Variants in NUP188 observed in about 807,000 individuals in gnomAD.
NUP188 encodes nucleoporin NUP188.
Under a neutral mutation model 223.0 loss-of-function variants are expected in NUP188, and 97 were observed. That is an observed-to-expected ratio of 0.43 (90% CI 0.37 to 0.51). The LOEUF is 0.51. NUP188 is among the 20% of genes least tolerant of loss of function. NUP188 has a pLI of 0.00. For synonymous variants in NUP188, 869 were observed against 828.0 expected, an observed-to-expected ratio of 1.05 and a Z score of -0.85; for missense variants, 1,947 against 2,175.6, an observed-to-expected ratio of 0.89 and a Z score of 2.09.
chr9:128,999,006 G>A (rs572538618), intron 32 of NUP188, among the ~76,000 whole-genome samples, 166 bp from the exon 33 acceptor site: 23 of 152,046 alleles, frequency 1.5e-4, no homozygotes, highest in African/African-American at 3.6e-4. Flanking sequence ...ACGGGTGCGC[G>A]CTACCATGCC....
At chr9:128,964,536 ATTTTT>A (rs61518157) in intron 8 of NUP188, among the ~76,000 whole-genome samples, 1 of 122,872 alleles carries the variant, frequency 8.1e-6, no homozygotes, top group Non-Finnish European at 1.7e-5. Flanking sequence ...TAATTTTTGT[ATTTTT>A]TTTTTTTTTT....
intron 2 of NUP188, among the ~76,000 whole-genome samples, chr9:128,951,749 A>G (rs1588266801): frequency 6.6e-6 from 1 of 151,640 alleles, no homozygotes; most frequent in Non-Finnish European, 1.5e-5. Flanking sequence ...TATTAAAAAC[A>G]CTCAAAGGAA....
intron 29 of NUP188, 30 bp downstream of exon 29, chr9:128,994,953 C>A: frequency 6.5e-7 from 1 of 1,545,258 alleles, no homozygotes; most frequent in Non-Finnish European, 8.9e-7. Flanking sequence ...GAGATTTTAA[C>A]TGAAGGTTGG....
intron 12 of NUP188, among the ~76,000 whole-genome samples, chr9:128,975,226 C>CTTTTTTTTTTTTTT (rs540828761): frequency 7.6e-5 from 10 of 131,872 alleles, no homozygotes; most frequent in African/African-American, 2.4e-4. Context: ...TTTTCTTTTC[C>CTTTTTTTTTTTTTT]TTTTTTTTTT....
At chr9:128,982,782 A>G in intron 16 of NUP188, 81 bp downstream of exon 16, 2 of 1,588,414 alleles carry the variant, frequency 1.3e-6, no homozygotes, top group Non-Finnish European at 1.7e-6. Context: ...GAATATCTAC[A>G]TAAAATTTAG....
chr9:128,999,165 T>C lies in NUP188; in HGVS notation c.3516-7T>C. 9.9e-6 allele frequency: 16 copies of C among 1,613,718 alleles called. No homozygotes were observed. The highest frequency in any genetic ancestry group is 1.3e-5 in the African/African-American group (1 of 75,030). On this transcript the variant is annotated splice_region_variant and splice_polypyrimidine_tract_variant and intron_variant, in intron 32 of 43. Transcript: ENST00000372577. ...ACCACGCCTGGCCCACCCAGTATTCTTTCTAGAGAGTTAGGTTCTGTGGAT... is the reference window on the plus strand; with the variant it reads ...ACCACGCCTGGCCCACCCAGTATTCCTTCTAGAGAGTTAGGTTCTGTGGAT...
At chr9:128,951,039 T>C (rs560147366) in intron 2 of NUP188, among the ~76,000 whole-genome samples, 2 of 151,292 alleles carry the variant, frequency 1.3e-5, no homozygotes. Flanking sequence ...TGGCCAGGCA[T>C]GGTGGCTCAC....
chr9:129,003,200 C>A (rs965393420), intron 37 of NUP188, 117 bp from the exon 38 acceptor site: 3 of 1,325,598 alleles, frequency 2.3e-6, no homozygotes, highest in Middle Eastern at 2.7e-4. Context: ...TAAGCCATTT[C>A]TTTGCCAACT....
At position 128,982,996 on chromosome 9, in the gene NUP188, C is replaced by A; in HGVS notation, c.1764C>A (p.Pro588=). The A allele has an allele frequency of 6.2e-7, 1 of 1,614,132 alleles. No homozygotes were observed. Among genetic ancestry groups the A allele is most frequent in the Non-Finnish European group, 8.5e-7 (1 of 1,180,018 alleles). The change falls in exon 17 of 44, where the codon CCC becomes CCA. Residue 588 remains proline, a synonymous_variant. Coordinates refer to ENST00000372577, the MANE Select transcript of NUP188 (RefSeq NM_015354.3). ...TGTCGATAGCAGACTGTCTCCTGCC[C>A]ATCACATCTCGCATCTACATGCTGC... ...TDLSIADCLL[P]ITSRIYMLLQ...
chr9:128,998,435 T>TGA, intron 31 of NUP188, 103 bp from the exon 32 acceptor site: 1 of 1,122,774 alleles, frequency 8.9e-7, no homozygotes, highest in Non-Finnish European at 1.4e-6. Context: ...TCCACTCCTG[T>TGA]GAGCTCACTG....
At chr9:128,962,673 A>T (rs1841972601) in intron 8 of NUP188, among the ~76,000 whole-genome samples, 1 of 152,050 alleles carries the variant, frequency 6.6e-6, no homozygotes, top group Admixed American at 6.6e-5. Flanking sequence ...AAAAATTCAT[A>T]TGCAAAATAA....
At chr9:129,000,765 A>G (rs919555265) in intron 34 of NUP188, among the ~76,000 whole-genome samples, 17 of 151,564 alleles carry the variant, frequency 1.1e-4, no homozygotes, top group African/African-American at 3.4e-4. Context: ...TGGGCCGGGC[A>G]CGGTGGCTAA....
intron 8 of NUP188, among the ~76,000 whole-genome samples, chr9:128,961,001 C>T (rs924516951): frequency 6.6e-6 from 1 of 150,380 alleles, no homozygotes; most frequent in African/African-American, 2.4e-5. Flanking sequence ...GGGAGATTCA[C>T]TTGAGCCTAG....
rs749967148 is a variant in NUP188, at chr9:128,980,677, C to T, written c.1341C>T (p.Leu447=). 3 of 1,614,132 alleles carry T rather than the reference C, an allele frequency of 1.9e-6. No homozygotes were observed. Among genetic ancestry groups the T allele is most frequent in the South Asian group, 2.2e-5 (2 of 91,074 alleles). Residue 447 remains leucine (L), a synonymous_variant, in exon 14 of 44, where the codon CTC becomes CTT. Coordinates refer to ENST00000372577, the MANE Select transcript of NUP188 (RefSeq NM_015354.3). ...CGMFPHLLSP[L]LQLLRALVSG... ...TGTTTCCCCACCTTCTCTCCCCACT[C>T]CTGCAACTGCTCCGAGCCCTGGTAT... is the stretch of plus-strand genomic sequence containing the variant.
chr9:128,964,550 T>A (rs2131149396), intron 8 of NUP188, among the ~76,000 whole-genome samples: 1 of 151,174 alleles, frequency 6.6e-6, no homozygotes, highest in East Asian at 1.9e-4. Flanking sequence ...TTTTTTTTTT[T>A]TTTGTAGAGA....
chr9:128,975,734 C>G (rs1842167176), intron 12 of NUP188, among the ~76,000 whole-genome samples: 1 of 146,628 alleles, frequency 6.8e-6, no homozygotes, highest in African/African-American at 2.5e-5. Context: ...GCCAGGCTGG[C>G]CTCAAACTCC....
At position 128,956,426 on chromosome 9, in the gene NUP188, A is replaced by C; in HGVS notation, c.238A>C (p.Lys80Gln). The change falls in exon 4 of 44, where the codon AAG becomes CAG. Residue 80 changes from lysine to glutamine, a missense_variant. Coordinates refer to ENST00000372577, the MANE Select transcript of NUP188 (RefSeq NM_015354.3). ...PLKELGLRIS[K>Q]FLGLDEEQSV... is the part of the protein sequence containing the mutation. ...GAAGGAACTGGGTTTAAGAATCAGC[A>C]AGTTTTTGGTGAGTAAAAATTAGCA... 6.4e-7 allele frequency: 1 copy of C among 1,569,786 alleles called. No homozygotes were observed. Among genetic ancestry groups the C allele is most frequent in the Non-Finnish European group, 8.6e-7 (1 of 1,158,724 alleles).
Position 128,958,012 on chromosome 9 carries a change from A to C in NUP188, c.330A>C (p.Thr110=), listed in dbSNP as rs147379666. The C allele has an allele frequency of 6.2e-7, 1 of 1,612,134 alleles. No individual in the cohort carries two copies. Among genetic ancestry groups the C allele is most frequent in the Non-Finnish European group, 8.5e-7 (1 of 1,179,004 alleles). Residue 110 remains threonine (T), a splice_region_variant and synonymous_variant, in exon 6 of 44, where the codon ACA becomes ACC. Transcript: ENST00000372577. Reference sequence around the variant, plus strand: ...AACTGCTCTGTTTTTCTTTTCAGACAGTACTGCAAGATGAGAGGCAGAGCC... The same window carrying C: ...AACTGCTCTGTTTTTCTTTTCAGACCGTACTGCAAGATGAGAGGCAGAGCC... ...DYRGTRDSVK[T]VLQDERQSQA... is the part of the protein sequence containing the mutation.
chr9:128,963,355 G>A (rs561728573), intron 8 of NUP188, among the ~76,000 whole-genome samples: 120 of 147,438 alleles, frequency 8.1e-4, no homozygotes, highest in African/African-American at 2.7e-3. Context: ...GCGCGATTTC[G>A]ACTCACTGCA....
Sources: gnomAD v4.1 joint callset for allele counts (sites outside exome capture counted in the v4.1 genomes callset) on GRCh38, gnomAD v4.1.1 for gene constraint, MANE v1.5 for transcripts, NCBI Gene and HGNC (gene_info 2026-07-23, HGNC 2026-07-21) for gene names.